DNAH12: variants seen among roughly 807,000 people sequenced by gnomAD.
The protein encoded by DNAH12 is axonemal beta dynein heavy chain 12.
A neutral mutation model predicts 371.5 loss-of-function variants in DNAH12; 285 were observed. The ratio of observed to expected loss-of-function variants is 0.77; its 90% CI spans 0.70 to 0.85. The LOEUF (loss-of-function observed/expected upper bound fraction) is 0.85, where lower values mean the gene tolerates loss of function less well. Ranked by LOEUF, DNAH12 falls within the 40% of genes least tolerant of loss-of-function variation. The probability of loss-of-function intolerance (pLI) is 0.00; values close to 1 mark genes in which losing one functional copy is unlikely to be tolerated. For synonymous variants in DNAH12, 1,200 were observed against 1,213.0 expected (o/e 0.99, Z 0.22); for missense variants, 3,611 against 3,689.4 (o/e 0.98, Z 0.55).
At chr3:57,354,975 T>A (rs977107179) in intron 59 of DNAH12, among the ~76,000 whole-genome samples, 2 of 151,878 alleles carry the variant, frequency 1.3e-5, no homozygotes, top group Non-Finnish European at 2.9e-5. Flanking sequence ...ACGGAAGGGG[T>A]AAGGATGGGA....
chr3:57,309,081 A>G, intron 69 of DNAH12, 70 bp downstream of exon 69: 2 of 1,270,972 alleles, frequency 1.6e-6, no homozygotes, highest in South Asian at 1.6e-5. Flanking sequence ...ACACTTCAAC[A>G]CTATTTTATT....
At chr3:57,445,994 A>T (rs896343107) in intron 27 of DNAH12, 37 bp downstream of exon 27, 84 of 1,445,770 alleles carry the variant, frequency 5.8e-5, no homozygotes, top group Non-Finnish European at 7.4e-5. Context: ...TCAAAAACAT[A>T]AAATAAATAA....
chr3:57,309,637 T>TAA (rs1257954229), intron 68 of DNAH12, 29 bp downstream of exon 68: 1 of 1,425,938 alleles, frequency 7.0e-7, no homozygotes, highest in African/African-American at 1.5e-5. Flanking sequence ...ATTTATATTA[T>TAA]AAGTAACATA....
intron 2 of DNAH12, among the ~76,000 whole-genome samples, chr3:57,525,171 A>G (rs920825473): frequency 7.2e-6 from 1 of 139,160 alleles, no homozygotes; most frequent in African/African-American, 3.3e-5. Flanking sequence ...AAAAAAAAAA[A>G]GAAAAAAAAT....
chr3:57,472,421 C>T (rs1417297434), intron 14 of DNAH12, 125 bp downstream of exon 14: 1 of 1,247,254 alleles, frequency 8.0e-7, no homozygotes, highest in Non-Finnish European at 1.1e-6. Context: ...TGTGGCCAGT[C>T]TCAAACTCAT....
chr3:57,454,732 A>T, intron 23 of DNAH12, 43 bp downstream of exon 23: 1 of 1,542,046 alleles, frequency 6.5e-7, no homozygotes, highest in Non-Finnish European at 8.7e-7. Flanking sequence ...ATTTTAAAAA[A>T]CCTGGAATGA....
At position 57,347,505 on chromosome 3, in the gene DNAH12, C is replaced by A. The variant is rs142834769; in HGVS notation, c.9674+4580G>T. 5.2e-3 allele frequency among the ~76,000 whole-genome samples: 797 copies of A among 152,180 alleles called. 10 individuals are homozygous for A. Among genetic ancestry groups the A allele is most frequent in the African/African-American group, 0.019 (775 of 41,516 alleles). ...CCAAGGCAGGCAGATAACTTGAGGT[C>A]AGGAGTTTGTGACCAGCCTGGCCAA... On this transcript the variant is annotated intron_variant, in intron 60 of 73. Coordinates refer to ENST00000495027, the MANE Select transcript of DNAH12 (RefSeq NM_001366028.2).
intron 43 of DNAH12, chr3:57,402,287 G>C: frequency 2.4e-6 from 2 of 833,784 alleles, no homozygotes; most frequent in Non-Finnish European, 3.3e-6. Context: ...CAGTGAAAGT[G>C]AAAGAAGTCC....
In DNAH12 at chr3:57,309,516, T is replaced by G. The variant is rs144270479; in HGVS notation, c.11085+150A>C. On this transcript the variant is annotated intron_variant, in intron 68 of 73. Coordinates refer to ENST00000495027, the MANE Select transcript of DNAH12 (RefSeq NM_001366028.2). ...AAAAAACTTAAAAAAATTGGTAGTA[T>G]TATCACCATTTAACGGATTTGGAGG... is the stretch of plus-strand genomic sequence containing the variant. 4.7e-5 allele frequency: 38 copies of G among 809,230 alleles called. No homozygotes were observed. In the East Asian group the frequency reaches 6.6e-4, roughly 14 times the overall value. 50.1% of individuals were successfully genotyped at this position (809,230 alleles called of 1,614,324 possible).
chr3:57,445,292 C>A lies in DNAH12; in HGVS notation c.4307G>T (p.Cys1436Phe). ...SVKIVMTYRL[C>F]SEQLSSQFHY... is the part of the protein sequence containing the mutation. ...AAATTGCGATGAGAGCTGCTCTGAG[C>A]AAAGCCTATAGGTCATTACTATTTT... is the stretch of plus-strand genomic sequence containing the variant. The change falls in exon 28 of 74, where the codon TGC (cysteine) becomes TTC (phenylalanine). Residue 1436 changes from cysteine to phenylalanine, a missense_variant. Cys to Phe is a radical substitution (Grantham distance 205). Transcript: ENST00000495027. The A allele has an allele frequency of 6.4e-7, 1 of 1,551,612 alleles. No homozygotes were observed. Among genetic ancestry groups the A allele is most frequent in the Non-Finnish European group, 8.7e-7 (1 of 1,146,950 alleles).
At chr3:57,536,912 A>G (rs2069069043) in intron 2 of DNAH12, among the ~76,000 whole-genome samples, 1 of 152,250 alleles carries the variant, frequency 6.6e-6, no homozygotes, top group South Asian at 2.1e-4. Flanking sequence ...TTTGATTTGT[A>G]TATTAGCGAT....
Position 57,403,502 on chromosome 3 carries a change from C to T in DNAH12, c.6756-1G>A. ...TCTTGATAAATGTTCCAAAACATAC[C>T]TACCACAAAAGAAAAATTTTATTAA... On this transcript the variant is annotated splice_acceptor_variant, in intron 42 of 73. Coordinates refer to ENST00000495027, the MANE Select transcript of DNAH12 (RefSeq NM_001366028.2). LOFTEE classifies it high-confidence loss of function. 4 of 1,536,672 alleles carry T rather than the reference C, an allele frequency of 2.6e-6. No individual in the cohort carries two copies. The highest frequency in any genetic ancestry group is 3.5e-6 in the Non-Finnish European group (4 of 1,141,286).
chr3:57,400,142 G>A (rs1384151452), intron 43 of DNAH12, among the ~76,000 whole-genome samples: 1 of 152,154 alleles, frequency 6.6e-6, no homozygotes, highest in Non-Finnish European at 1.5e-5. Flanking sequence ...ACAAAAATTA[G>A]CTAAGCATGG....
intron 64 of DNAH12, 150 bp from the exon 65 acceptor site, chr3:57,322,633 G>C: frequency 9.9e-7 from 1 of 1,012,112 alleles, no homozygotes. Flanking sequence ...GCTTGATTAA[G>C]ATATGCAGAC....
intron 45 of DNAH12, among the ~76,000 whole-genome samples, chr3:57,388,580 A>G (rs1485254670): frequency 6.6e-6 from 1 of 152,168 alleles, no homozygotes; most frequent in African/African-American, 2.4e-5. Flanking sequence ...AGAGACTTCT[A>G]AAGAACTATT....
At chr3:57,302,529 G>GTTTTTATATATATATATATA (rs879293648) in intron 69 of DNAH12, among the ~76,000 whole-genome samples, 21 of 47,858 alleles carry the variant, frequency 4.4e-4, no homozygotes, top group African/African-American at 9.3e-4. Context: ...GGCATCAGGT[G>GTTTTTATATATATATATATA]TATATATATA....
In DNAH12 at chr3:57,523,578, C is replaced by T. The variant is rs768473577; in HGVS notation, c.279+5G>A. ...CAAACAAGAAATATAAAAACTTGAACTCACTCCTTTTTTTTTCATTTCACT... is the reference window on the plus strand; with the variant it reads ...CAAACAAGAAATATAAAAACTTGAATTCACTCCTTTTTTTTTCATTTCACT... On this transcript the variant is annotated splice_donor_5th_base_variant and intron_variant, in intron 4 of 73. Transcript: ENST00000495027. The T allele has an allele frequency of 1.9e-6, 3 of 1,579,772 alleles. No homozygotes were observed. The highest frequency in any genetic ancestry group is 2.3e-5 in the East Asian group (1 of 43,594).
intron 42 of DNAH12, 34 bp from the exon 43 acceptor site, chr3:57,403,535 C>CA: frequency 6.6e-7 from 1 of 1,509,674 alleles, no homozygotes; most frequent in Non-Finnish European, 8.9e-7. Context: ...TAATGCATTA[C>CA]AATATAAATG....
chr3:57,533,817 AGGGGT>A (rs2068933601), intron 2 of DNAH12, among the ~76,000 whole-genome samples: 1 of 152,128 alleles, frequency 6.6e-6, no homozygotes, highest in African/African-American at 2.4e-5. Context: ...GCCTGGGGTT[AGGGGT>A]TAGGAAAGGA....
Sources: gnomAD v4.1 joint callset for allele counts (sites outside exome capture counted in the v4.1 genomes callset) on GRCh38, gnomAD v4.1.1 for gene constraint, MANE v1.5 for transcripts, NCBI Gene and HGNC (gene_info 2026-07-23, HGNC 2026-07-21) for gene names.